The following MROH7 variants were observed in gnomAD, a reference collection of about 807,000 sequenced individuals.
MROH7 encodes the protein maestro heat-like repeat-containing protein family member 7.
A neutral mutation model predicts 129.2 loss-of-function variants in MROH7; 113 were observed. The ratio of observed to expected loss-of-function variants is 0.87; its 90% confidence interval spans 0.75 to 1.02. The LOEUF (loss-of-function observed/expected upper bound fraction) is 1.02. Ranked by LOEUF, MROH7 falls within the 50% of genes least tolerant of loss-of-function variation. The probability of loss-of-function intolerance (pLI) is 0.00; values close to 1 mark genes in which losing one functional copy is unlikely to be tolerated. For synonymous variants in MROH7, 655 were observed against 667.9 expected, an observed-to-expected ratio of 0.98 and a Z score of 0.30; for missense variants, 1,601 against 1,671.3, an observed-to-expected ratio of 0.96 and a Z score of 0.73.
Position 54,710,178 on chromosome 1 carries a change from G to T in MROH7, c.3963G>T (p.Leu1321Phe), listed in dbSNP as rs1431240371. 1 of 1,611,896 alleles carries T rather than the reference G, an allele frequency of 6.2e-7. No homozygotes were observed. ...CACTGGGCTCCTGGAAGATGTCCTT[G>T]AAGAAGTGACGTCCCTGAGCCCCAA... ...MQALGSWKMS[L>F]KK The change falls in exon 24 of 24, where the codon TTG (leucine) becomes TTT (phenylalanine). Residue 1321 changes from leucine (L) to phenylalanine (F), a missense_variant. Transcript: ENST00000421030.
intron 21 of MROH7, among the ~76,000 whole-genome samples, chr1:54,704,816 T>TTTTTTTTTG (rs1645505209): frequency 6.9e-6 from 1 of 145,250 alleles, no homozygotes; most frequent in South Asian, 2.2e-4. Context: ...TTTTTTTTTT[T>TTTTTTTTTG]GAGATGGAGT....
intron 7 of MROH7, 121 bp from the exon 8 acceptor site, chr1:54,672,970 C>CTAACT (rs1226004043): frequency 6.2e-5 from 40 of 650,246 alleles, no homozygotes; most frequent in Non-Finnish European, 9.9e-5. Flanking sequence ...AGAGGTGGGA[C>CTAACT]CAGAAAGCAG....
At chr1:54,656,959 GGAGGAT>G (rs1395822263) in intron 3 of MROH7, among the ~76,000 whole-genome samples, 1 of 151,964 alleles carries the variant, frequency 6.6e-6, no homozygotes, top group Non-Finnish European at 1.5e-5. Context: ...AGCCAAGGCA[GGAGGAT>G]CACTTGAAGT....
At chr1:54,652,277 C>T (rs1335256767) in intron 2 of MROH7, among the ~76,000 whole-genome samples, 1 of 152,198 alleles carries the variant, frequency 6.6e-6, no homozygotes, top group Non-Finnish European at 1.5e-5. Context: ...TTGCAAGGCT[C>T]AGGGCTCCTT....
In MROH7 at chr1:54,679,482, C is replaced by T. The variant is rs563164680; in HGVS notation, c.2226+43C>T. On this transcript the variant is annotated intron_variant, in intron 12 of 23. Coordinates refer to ENST00000421030, the MANE Select transcript of MROH7 (RefSeq NM_001039464.4). Reference sequence around the variant, plus strand: ...CAGGGAGTGAACTGTCACTGGGGCTCGGGAGCTCCCCCCATGGCCTGCTCA... The same window carrying T: ...CAGGGAGTGAACTGTCACTGGGGCTTGGGAGCTCCCCCCATGGCCTGCTCA... The T allele has an allele frequency of 1.5e-5, 24 of 1,588,366 alleles. No homozygotes were observed. In the Admixed American group the frequency reaches 2.4e-4, roughly 16 times the overall value.
chr1:54,709,211 T>A (rs1240235540), intron 23 of MROH7, 135 bp downstream of exon 23: 3 of 508,492 alleles, frequency 5.9e-6, no homozygotes, highest in Non-Finnish European at 9.6e-6. Context: ...TACTAGTTTT[T>A]TGTTTGTTTG....
rs1212154185 is a variant in MROH7 at position 54,665,212 on chromosome 1, A to G, written c.1277A>G (p.Lys426Arg). Residue 426 changes from lysine to arginine, a missense_variant, in exon 4 of 24, where the codon AAG becomes AGG. Coordinates refer to ENST00000421030, the MANE Select transcript of MROH7 (RefSeq NM_001039464.4). ...TCATGCCTGGTGAAGGTGCCAGAGAAGACAGAAGGTGGCAACAACATGGCT... is the reference window on the plus strand; with the variant it reads ...TCATGCCTGGTGAAGGTGCCAGAGAGGACAGAAGGTGGCAACAACATGGCT... ...VTSCLVKVPE[K>R]TEGGNNMALV... is the part of the protein sequence containing the mutation. The G allele has an allele frequency of 3.1e-6, 5 of 1,613,810 alleles. No homozygotes were observed. The highest frequency in any genetic ancestry group is 4.2e-6 in the Non-Finnish European group (5 of 1,179,932).
intron 3 of MROH7, among the ~76,000 whole-genome samples, chr1:54,664,871 G>A (rs1371267428): frequency 6.6e-6 from 1 of 152,150 alleles, no homozygotes; most frequent in African/African-American, 2.4e-5. Flanking sequence ...AATTAGACGG[G>A]TGTGATGGCG....
intron 12 of MROH7, 113 bp downstream of exon 12, chr1:54,679,552 C>A: frequency 1.7e-6 from 2 of 1,201,084 alleles, no homozygotes; most frequent in Non-Finnish European, 2.3e-6. Context: ...ATACCTGAAC[C>A]CCCTAAGCCA....
At chr1:54,674,537 C>A (rs1392285455) in intron 10 of MROH7, among the ~76,000 whole-genome samples, 2 of 152,124 alleles carry the variant, frequency 1.3e-5, no homozygotes, top group Non-Finnish European at 2.9e-5. Flanking sequence ...ATCTTGGTCA[C>A]CCCTGTATTC....
intron 17 of MROH7, chr1:54,699,159 T>TTTTTTC: frequency 1.5e-5 from 1 of 65,978 alleles, no homozygotes; most frequent in South Asian, 6.4e-4. Flanking sequence ...TCTTTCTTTC[T>TTTTTTC]TTTCTTTCTT....
Position 54,710,153 on chromosome 1 carries a change from C to T in MROH7, c.3938C>T (p.Ala1313Val). The T allele has an allele frequency of 6.2e-7, 1 of 1,613,456 alleles. No homozygotes were observed. Among genetic ancestry groups the T allele is most frequent in the East Asian group, 2.2e-5 (1 of 44,872 alleles). Reference protein sequence around the residue: ...SHQRRSWIMQALGSWKMSLKK With the variant: ...SHQRRSWIMQVLGSWKMSLKK ...CAGCGGCGCTCCTGGATCATGCAGGCACTGGGCTCCTGGAAGATGTCCTTG... is the reference window on the plus strand; with the variant it reads ...CAGCGGCGCTCCTGGATCATGCAGGTACTGGGCTCCTGGAAGATGTCCTTG... The change falls in exon 24 of 24, where the codon GCA becomes GTA. Residue 1313 changes from alanine (A) to valine (V), a missense_variant. By Grantham distance (64) the Ala-to-Val change is moderately conservative. Transcript: ENST00000421030.
intron 1 of MROH7, among the ~76,000 whole-genome samples, chr1:54,643,414 C>T (rs1219096774): frequency 2.0e-5 from 3 of 152,150 alleles, no homozygotes; most frequent in African/African-American, 7.2e-5. Context: ...GTGGTTCAAA[C>T]GTGGTGCAAG....
intron 4 of MROH7, among the ~76,000 whole-genome samples, chr1:54,667,524 C>T (rs979237830): frequency 2.6e-5 from 4 of 151,098 alleles, no homozygotes; most frequent in Non-Finnish European, 5.9e-5. Context: ...GGTGTGATCT[C>T]GGCTCACTGC....
chr1:54,651,547 C>G (rs901357386), intron 1 of MROH7: 1 of 151,944 alleles, frequency 6.6e-6, no homozygotes, highest in Non-Finnish European at 1.5e-5. Flanking sequence ...AAGGGTGGAA[C>G]GGAAAAGGAA....
At chr1:54,682,836 C>A (rs1419210470) in intron 14 of MROH7, 42 bp downstream of exon 14, 7 of 1,591,442 alleles carry the variant, frequency 4.4e-6, no homozygotes, top group Non-Finnish European at 6.0e-6. Context: ...GCCTGTCCTG[C>A]CCTTCCTCTC....
chr1:54,655,655 C>T (rs1387224942), intron 3 of MROH7, among the ~76,000 whole-genome samples: 2 of 152,060 alleles, frequency 1.3e-5, no homozygotes, highest in Non-Finnish European at 2.9e-5. Context: ...TCTGGGACTA[C>T]TACAGGCATG....
chr1:54,697,800 C>A, intron 17 of MROH7: 2 of 612,984 alleles, frequency 3.3e-6, no homozygotes, highest in South Asian at 1.9e-5. Flanking sequence ...TGGAGAGGCA[C>A]TTCTAAGTCT....
At position 54,659,683 on chromosome 1, in the gene MROH7, C is replaced by A. The variant is rs112098104; in HGVS notation, c.1232-5484C>A. Among the ~76,000 whole-genome samples the A allele has an allele frequency of 4.2e-3, 637 of 152,288 alleles. 5 individuals are homozygous for A. Among genetic ancestry groups the A allele is most frequent in the Middle Eastern group, 0.017 (5 of 294 alleles). On this transcript the variant is annotated intron_variant, in intron 3 of 23. Transcript: ENST00000421030. ...GGTCAGGCTGGTCTTGAACTCCCAGCCTCAGGTGATCCACCTGCCTCGGCC... is the reference window on the plus strand; with the variant it reads ...GGTCAGGCTGGTCTTGAACTCCCAGACTCAGGTGATCCACCTGCCTCGGCC...
Sources: allele counts gnomAD v4.1 joint callset (sites outside exome capture counted in the v4.1 genomes callset), GRCh38; gene constraint gnomAD v4.1.1; transcripts MANE v1.5; gene names NCBI Gene and HGNC (gene_info 2026-07-23, HGNC 2026-07-21).